CPQ: variants seen among roughly 807,000 people sequenced by gnomAD.
The protein encoded by CPQ is Ser-Met dipeptidase.
In CPQ, 37 loss-of-function variants were observed where a neutral mutation model predicts 45.7. That is an observed-to-expected ratio of 0.81 (90% CI 0.62 to 1.07). CPQ has a LOEUF of 1.07. CPQ is among the 50% of genes least tolerant of loss of function. The pLI is 0.00. For synonymous variants in CPQ, 186 were observed against 205.8 expected, an observed-to-expected ratio of 0.90 and a Z score of 0.82; for missense variants, 537 against 572.9, an observed-to-expected ratio of 0.94 and a Z score of 0.64.
chr8:96,848,754 A>G (rs1196118021), intron 3 of CPQ, among the ~76,000 whole-genome samples: 1 of 152,156 alleles, frequency 6.6e-6, no homozygotes, highest in Non-Finnish European at 1.5e-5. Context: ...ATTTCAGGAC[A>G]TTTTATGTTT....
intron 1 of CPQ, among the ~76,000 whole-genome samples, chr8:96,752,434 T>C (rs1342929322): frequency 6.6e-6 from 1 of 152,136 alleles, no homozygotes; most frequent in African/African-American, 2.4e-5. Context: ...TGCTTGCCTG[T>C]TGTTGGTGTA....
chr8:97,036,007 G>A (rs1289911156), intron 6 of CPQ, among the ~76,000 whole-genome samples: 1 of 152,040 alleles, frequency 6.6e-6, no homozygotes, highest in African/African-American at 2.4e-5. Context: ...ATGCCCGGCC[G>A]CCTTAAGACT....
At chr8:96,978,371 T>C (rs866465646) in intron 5 of CPQ, among the ~76,000 whole-genome samples, 4 of 152,356 alleles carry the variant, frequency 2.6e-5, no homozygotes, top group Middle Eastern at 3.4e-3. Context: ...TTGTTTACAA[T>C]GAGTCACTTA....
intron 7 of CPQ, among the ~76,000 whole-genome samples, chr8:97,124,225 C>CAAAAAAAA (rs34933920): frequency 4.7e-5 from 2 of 42,562 alleles, no homozygotes; most frequent in Non-Finnish European, 8.6e-5. Context: ...GACTCCGTCT[C>CAAAAAAAA]AAAAAAAAAA....
Position 96,965,940 on chromosome 8 carries a change from A to G in CPQ, c.855A>G (p.Val285=), listed in dbSNP as rs746117783. ...CTTTTTATTATTTGTTCTAGGTTGTACTGGTCAGTGGACATCTGGACAGCT... is the reference window on the plus strand; with the variant it reads ...CTTTTTATTATTTGTTCTAGGTTGTGCTGGTCAGTGGACATCTGGACAGCT... ...ITGSKYPEQV[V]LVSGHLDSWD... Residue 285 remains valine, a synonymous_variant, in exon 5 of 8, where the codon GTA becomes GTG. Transcript: ENST00000220763. 4 of 1,607,940 alleles carry G rather than the reference A, an allele frequency of 2.5e-6. No homozygotes were observed. The highest frequency in any genetic ancestry group is 1.7e-6 in the Non-Finnish European group (2 of 1,177,294).
At chr8:97,041,842 A>G (rs1305142237) in intron 6 of CPQ, among the ~76,000 whole-genome samples, 2 of 132,982 alleles carry the variant, frequency 1.5e-5, no homozygotes, top group Non-Finnish European at 3.3e-5. Flanking sequence ...AGCCCACTTG[A>G]TCATGGTGGA....
rs951042133 is a variant in CPQ at position 96,730,203 on chromosome 8, A to G, written c.-34-54661A>G. On this transcript the variant is annotated intron_variant, in intron 1 of 7. Transcript: ENST00000220763. The stretch of plus-strand genomic sequence containing the variant: ...TGTTTTTCTCTTTGCCAGGCCATAG[A>G]TAGCACAGAACTTGAGGATATGATA... Among the ~76,000 whole-genome samples the G allele has an allele frequency of 4.9e-4, 75 of 152,224 alleles. 1 individual carries two copies. The highest frequency in any genetic ancestry group is 7.3e-5 in the Non-Finnish European group (5 of 68,046).
chr8:97,130,352 AAAT>A (rs1252760894), intron 7 of CPQ, among the ~76,000 whole-genome samples: 2 of 151,982 alleles, frequency 1.3e-5, no homozygotes, highest in Non-Finnish European at 2.9e-5. Context: ...GTTTGAGTAT[AAAT>A]GATGAAACAG....
At chr8:96,980,705 A>G (rs983548973) in intron 5 of CPQ, among the ~76,000 whole-genome samples, 27 of 152,138 alleles carry the variant, frequency 1.8e-4, no homozygotes, top group African/African-American at 6.0e-4. Context: ...GAATCCTCAC[A>G]GTGAGGAGGC....
chr8:96,810,472 A>G (rs1811147716), intron 2 of CPQ, among the ~76,000 whole-genome samples: 1 of 152,152 alleles, frequency 6.6e-6, no homozygotes, highest in Non-Finnish European at 1.5e-5. Flanking sequence ...AAGTTGGTTA[A>G]TGTGTCTCAG....
At chr8:96,652,490 A>G (rs1289120211) in intron 1 of CPQ, among the ~76,000 whole-genome samples, 3 of 152,210 alleles carry the variant, frequency 2.0e-5, no homozygotes, top group African/African-American at 7.2e-5. Flanking sequence ...CTATGTACTT[A>G]GAAGTGGGAT....
chr8:96,742,902 C>T (rs1002833437), intron 1 of CPQ, among the ~76,000 whole-genome samples: 11 of 152,062 alleles, frequency 7.2e-5, no homozygotes, highest in African/African-American at 2.4e-4. Flanking sequence ...TCTGGCTGCC[C>T]TTAACATTTT....
At chr8:96,942,294 A>C (rs1237712425) in intron 4 of CPQ, among the ~76,000 whole-genome samples, 2 of 152,098 alleles carry the variant, frequency 1.3e-5, no homozygotes, top group Admixed American at 1.3e-4. Context: ...TGCAAACCTT[A>C]CTCCTTAGCC....
At chr8:96,918,111 C>T (rs549126927) in intron 4 of CPQ, among the ~76,000 whole-genome samples, 16 of 152,168 alleles carry the variant, frequency 1.1e-4, no homozygotes, top group Middle Eastern at 3.4e-3. Flanking sequence ...GATGACAATT[C>T]GTGCTGATAG....
At chr8:96,670,898 C>T (rs774240685) in intron 1 of CPQ, among the ~76,000 whole-genome samples, 14 of 151,906 alleles carry the variant, frequency 9.2e-5, no homozygotes, top group African/African-American at 1.5e-4. Context: ...TAGAGGGATG[C>T]GTGGGTGTAG....
chr8:96,756,560 C>T (rs151110841), intron 1 of CPQ, among the ~76,000 whole-genome samples: 4 of 152,174 alleles, frequency 2.6e-5, no homozygotes, highest in African/African-American at 4.8e-5. Flanking sequence ...TCAACACCTA[C>T]GCCCCTTTAA....
intron 5 of CPQ, among the ~76,000 whole-genome samples, chr8:96,970,682 G>T (rs1289686450): frequency 2.0e-5 from 3 of 151,838 alleles, no homozygotes; most frequent in Non-Finnish European, 2.9e-5. Context: ...TCCTGCCTCA[G>T]CCTCACGAGT....
At chr8:96,995,564 G>C (rs1329529172) in intron 5 of CPQ, among the ~76,000 whole-genome samples, 1 of 151,712 alleles carries the variant, frequency 6.6e-6, no homozygotes, top group East Asian at 1.9e-4. Flanking sequence ...TTGAGGGACT[G>C]GTGGGAAATC....
intron 4 of CPQ, among the ~76,000 whole-genome samples, chr8:96,965,498 T>C (rs1813540661): frequency 6.6e-6 from 1 of 151,468 alleles, no homozygotes. Context: ...GCCTCCCAAG[T>C]AGCTGGGACT....
Sources: allele counts gnomAD v4.1 joint callset (sites outside exome capture counted in the v4.1 genomes callset), GRCh38; gene constraint gnomAD v4.1.1; transcripts MANE v1.5; gene names NCBI Gene and HGNC (gene_info 2026-07-23, HGNC 2026-07-21).